Variants in RNF19A observed in about 807,000 individuals in gnomAD.
RNF19A encodes the protein ring finger protein 19A, RBR E3 ubiquitin protein ligase.
A neutral mutation model predicts 75.7 loss-of-function variants in RNF19A; 32 were observed. That is an observed-to-expected ratio of 0.42 (90% CI 0.32 to 0.57). The LOEUF (loss-of-function observed/expected upper bound fraction) is 0.57, where lower values mean the gene tolerates loss of function less well. Among genes scored for constraint, RNF19A ranks in the 20% least tolerant of loss-of-function variants. The pLI is 0.10. For missense variants in RNF19A, 782 were observed against 1,036.3 expected, an observed-to-expected ratio of 0.75 and a Z score of 3.37; for synonymous variants, 335 against 345.2, an observed-to-expected ratio of 0.97 and a Z score of 0.33.
chr8:100,327,245 C>CCTTTTTTTT (rs1822546293), intron 1 of RNF19A, among the ~76,000 whole-genome samples: 1 of 75,836 alleles, frequency 1.3e-5, no homozygotes, highest in African/African-American at 5.5e-5. Flanking sequence ...GCAATTACTT[C>CCTTTTTTTT]TTTTTTTTTT....
rs751275427 is a variant in RNF19A at position 100,288,095 on chromosome 8, G to C, written c.80C>G (p.Thr27Arg). 6.2e-7 allele frequency: 1 copy of C among 1,614,038 alleles called. No homozygotes were observed. The highest frequency in any genetic ancestry group is 8.5e-7 in the Non-Finnish European group (1 of 1,179,944). ...ATGTAAACTCATGTCTAAAATGCTT[G>C]TTAGAATTGAGACAGGGTCAGTGTT... is the stretch of plus-strand genomic sequence containing the variant. ...CVNTDPVSIL[T>R]SILDMSLHRQ... The change falls in exon 2 of 10, where the codon ACA becomes AGA. Residue 27 changes from threonine to arginine, a missense_variant. Physicochemically the swap from Thr to Arg is moderately conservative, Grantham distance 71 (BLOSUM62 -1). Transcript: ENST00000341084.
chr8:100,259,837 A>T lies in RNF19A; in HGVS notation c.1826+17T>A. ...ATTTAAAAAATACTTTCAATTTTTT[A>T]ACAGTTTTTTCCTTACTTGTCCAAT... On this transcript the variant is annotated intron_variant, in intron 9 of 9. Transcript: ENST00000341084. This position sits in a 1 kb window ranked among gnomAD's most constrained non-coding sequence, Gnocchi z 4.5. 1 of 1,594,014 alleles carries T rather than the reference A, an allele frequency of 6.3e-7. No individual in the cohort carries two copies. Among genetic ancestry groups the T allele is most frequent in the Middle Eastern group, 1.7e-4 (1 of 5,998 alleles).
chr8:100,259,676 C>T lies in RNF19A; in HGVS notation c.1826+178G>A, dbSNP rs1334613491. Among the ~76,000 whole-genome samples the T allele has an allele frequency of 6.6e-6, 1 of 152,176 alleles. No homozygotes were observed. The highest frequency in any genetic ancestry group is 1.5e-5 in the Non-Finnish European group (1 of 68,012). ...CATTCTTCCCTTTCCCAGCCCTTGACAACCACAAATCCACTTTATGATCTA... is the reference window on the plus strand; with the variant it reads ...CATTCTTCCCTTTCCCAGCCCTTGATAACCACAAATCCACTTTATGATCTA... On this transcript the variant is annotated intron_variant, in intron 9 of 9. Transcript: ENST00000341084. This position sits in a 1 kb window ranked among gnomAD's most constrained non-coding sequence, Gnocchi z 4.5.
At position 100,322,574 on chromosome 8, in the gene RNF19A, A is replaced by G. The variant is rs1822478315; in HGVS notation, c.-242-9202T>C. Among the ~76,000 whole-genome samples the G allele has an allele frequency of 1.3e-5, 2 of 152,248 alleles. No individual in the cohort carries two copies. The highest frequency in any genetic ancestry group is 6.5e-5 in the Admixed American group (1 of 15,290). ...GTAGCAATTTTAACATCCTTCAAGA[A>G]CTTTTCCTTTGCATTTACAACTTGG... On this transcript the variant is annotated intron_variant, in intron 1 of 3. Transcript: ENST00000519527. The surrounding 1 kb of genome is among the most constrained non-coding windows in gnomAD (Gnocchi z 5.1).
chr8:100,267,678 C>CTTT (rs34590798), intron 5 of RNF19A, among the ~76,000 whole-genome samples: 1 of 138,690 alleles, frequency 7.2e-6, no homozygotes, highest in Non-Finnish European at 1.6e-5. Flanking sequence ...CTTGTTAGTT[C>CTTT]TTTTTTTTTT....
At position 100,264,829 on chromosome 8, in the gene RNF19A, C is replaced by T. The variant is rs1211817864; in HGVS notation, c.1192-44G>A. On this transcript the variant is annotated intron_variant, in intron 5 of 9. Coordinates refer to ENST00000341084, the MANE Select transcript of RNF19A (RefSeq NM_183419.4). The surrounding 1 kb of genome is among the most constrained non-coding windows in gnomAD (Gnocchi z 4.7). ...GGGGTGGGGGATTAAAGAGAAAATA[C>T]ATTACAATTTAACTTAGTTGAAAAA... 10 of 1,356,430 alleles carry T rather than the reference C, an allele frequency of 7.4e-6. No individual in the cohort carries two copies. The South Asian group carries it at 1.2e-4, about 16-fold the overall frequency. 84.0% of individuals were successfully genotyped at this position (1,356,430 alleles called of 1,614,324 possible).
upstream of RNF19A, chr8:100,310,314 C>G: frequency 1.1e-6 from 1 of 902,526 alleles, no homozygotes; most frequent in Non-Finnish European, 1.3e-6. Flanking sequence ...CGGGTGGCCC[C>G]GACTGCGGCC....
chr8:100,310,105 C>T, upstream of RNF19A: 2 of 985,586 alleles, frequency 2.0e-6, no homozygotes, highest in Non-Finnish European at 2.4e-6. Context: ...CTACCACCTC[C>T]CCCTCCCGCA....
chr8:100,317,158 G>A lies in RNF19A; in HGVS notation c.-242-3786C>T, dbSNP rs905656199. ...CGCAGCCCAGCCCGGGTTCCCGCTC[G>A]CGCCTCTCCCTCCGCACCTCCCTGC... On this transcript the variant is annotated intron_variant, in intron 1 of 3. Coordinates refer to the RNF19A transcript ENST00000519527. The surrounding 1 kb of genome is among the most constrained non-coding windows in gnomAD (Gnocchi z 4.3). Among the ~76,000 whole-genome samples the A allele has an allele frequency of 2.0e-5, 3 of 152,354 alleles. No homozygotes were observed. In the East Asian group the frequency reaches 5.8e-4, roughly 29 times the overall value.
At position 100,330,916 on chromosome 8, in the gene RNF19A, A is replaced by G. The variant is rs151035116; in HGVS notation, c.-243+5192T>C. Among the ~76,000 whole-genome samples, 5 of 152,330 alleles carry G rather than the reference A, an allele frequency of 3.3e-5. No individual in the cohort carries two copies. The highest frequency in any genetic ancestry group is 1.2e-4 in the African/African-American group (5 of 41,576). On this transcript the variant is annotated intron_variant, in intron 1 of 3. Transcript: ENST00000519527. This position sits in a 1 kb window ranked among gnomAD's most constrained non-coding sequence, Gnocchi z 4.1. ...ATGCGAAAAGTGCAGACTGGCTCCA[A>G]GGCTCTGAGCTGGTCTTTCTGAAAT... is the stretch of plus-strand genomic sequence containing the variant.
intron 1 of RNF19A, among the ~76,000 whole-genome samples, chr8:100,335,739 C>T (rs558033788): frequency 1.6e-4 from 25 of 152,278 alleles, no homozygotes; most frequent in African/African-American, 5.8e-4. Flanking sequence ...TCACTCTTAC[C>T]CAGTGCACTG....
At position 100,288,052 on chromosome 8, in the gene RNF19A, A is replaced by G; in HGVS notation, c.123T>C (p.Asp41=). 6.2e-7 allele frequency: 1 copy of G among 1,614,168 alleles called. No homozygotes were observed. The highest frequency in any genetic ancestry group is 8.5e-7 in the Non-Finnish European group (1 of 1,180,024). ...DMSLHRQMGS[D]RDLQSSASSV... Reference sequence around the variant, plus strand: ...ATGAAGCAGAGGACTGAAGATCTCGATCTGAACCCATTTGCCGATGTAAAC... The same window carrying G: ...ATGAAGCAGAGGACTGAAGATCTCGGTCTGAACCCATTTGCCGATGTAAAC... Residue 41 remains aspartate, a synonymous_variant, in exon 2 of 10, where the codon GAT becomes GAC. Coordinates refer to ENST00000341084, the MANE Select transcript of RNF19A (RefSeq NM_183419.4).
chr8:100,313,813 G>C (rs1201761032), upstream of RNF19A, among the ~76,000 whole-genome samples: 1 of 151,910 alleles, frequency 6.6e-6, no homozygotes, highest in Non-Finnish European at 1.5e-5. Flanking sequence ...GAAGTGGATG[G>C]TTTTGGTTTT....
chr8:100,287,759 T>C lies in RNF19A; in HGVS notation c.416A>G (p.His139Arg). 1 of 1,614,178 alleles carries C rather than the reference T, an allele frequency of 6.2e-7. No homozygotes were observed. The highest frequency in any genetic ancestry group is 1.7e-5 in the Admixed American group (1 of 60,024). The stretch of plus-strand genomic sequence containing the variant: ...TATATCAGGAAATCTGTCTTTAGAA[T>C]GCCGCAAAAGGCACAAAGGGCACTC... ...FIECPLCLLR[H>R]SKDRFPDIMT... The change falls in exon 2 of 10, where the codon CAT becomes CGT. Residue 139 changes from histidine to arginine, a missense_variant. Physicochemically the swap from His to Arg is conservative, Grantham distance 29. Coordinates refer to ENST00000341084, the MANE Select transcript of RNF19A (RefSeq NM_183419.4). This position sits in a 1 kb window ranked among gnomAD's most constrained non-coding sequence, Gnocchi z 4.1.
At chr8:100,279,978 A>T (rs1660327) in intron 2 of RNF19A, among the ~76,000 whole-genome samples, 1 of 151,862 alleles carries the variant, frequency 6.6e-6, no homozygotes. Flanking sequence ...GATTTCTTTT[A>T]ATTTTTCATA....
intron 1 of RNF19A, among the ~76,000 whole-genome samples, chr8:100,309,081 AAG>A (rs1386852640): frequency 1.3e-5 from 2 of 152,208 alleles, no homozygotes; most frequent in Non-Finnish European, 2.9e-5. Context: ...ATGGGAAAAA[AAG>A]AGCAACTGCA....
chr8:100,321,834 G>C (rs1246147933), intron 1 of RNF19A, among the ~76,000 whole-genome samples: 1 of 152,202 alleles, frequency 6.6e-6, no homozygotes, highest in African/African-American at 2.4e-5. Context: ...TGAATTGTCA[G>C]TGAGACATAA....
In RNF19A at chr8:100,264,686, C is replaced by T. The variant is rs1191943903; in HGVS notation, c.1291G>A (p.Ala431Thr). ...ATTTTCTTACCTACAGTCACTGCAGCTACTACTGGAGACACGATTACAGAC... is the reference window on the plus strand; with the variant it reads ...ATTTTCTTACCTACAGTCACTGCAGTTACTACTGGAGACACGATTACAGAC... ...TLSVIVSPVV[A>T]AVTVGIGVPI... Residue 431 changes from alanine (A) to threonine (T), a missense_variant, in exon 6 of 10, where the codon GCT becomes ACT. Around this residue, in one of 7 missense-constraint regions of RNF19A, gnomAD observed 442 missense variants for 541.6 expected, o/e 0.82. Transcript: ENST00000341084. This position sits in a 1 kb window ranked among gnomAD's most constrained non-coding sequence, Gnocchi z 4.7. 1 of 1,610,388 alleles carries T rather than the reference C, an allele frequency of 6.2e-7. No homozygotes were observed. Among genetic ancestry groups the T allele is most frequent in the African/African-American group, 1.3e-5 (1 of 74,898 alleles).
intron 1 of RNF19A, among the ~76,000 whole-genome samples, chr8:100,292,559 C>CTT (rs1170954096): frequency 6.6e-6 from 1 of 151,912 alleles, no homozygotes; most frequent in Non-Finnish European, 1.5e-5. Context: ...ATCTTTCTGA[C>CTT]TTTTGACTTC....
Sources: gnomAD v4.1 joint callset for allele counts (sites outside exome capture counted in the v4.1 genomes callset) on GRCh38, gnomAD v4.1.1 for gene constraint, gnomAD v4.1.1 regional missense constraint, Gnocchi (gnomAD v3.1) non-coding constraint, MANE v1.5 for transcripts, NCBI Gene and HGNC (gene_info 2026-07-23, HGNC 2026-07-21) for gene names.